Variants in CNTN6 observed in about 807,000 individuals in gnomAD.
CNTN6 encodes the protein contactin 6, also known as contactin-6.
Under a neutral mutation model 122.8 loss-of-function variants are expected in CNTN6, and 137 were observed. The ratio of observed to expected loss-of-function variants is 1.12; its 90% confidence interval spans 0.97 to 1.29. The LOEUF is 1.29. CNTN6 is among the 50% of genes most tolerant of loss of function. CNTN6 has a pLI of 0.00. For missense variants in CNTN6, 1,634 were observed against 1,223.4 expected (o/e 1.34, Z -5.01); for synonymous variants, 570 against 426.0 (o/e 1.34, Z -4.16).
At chr3:1,106,048 A>G (rs990510306) in intron 1 of CNTN6, among the ~76,000 whole-genome samples, 1 of 152,134 alleles carries the variant, frequency 6.6e-6, no homozygotes, top group Non-Finnish European at 1.5e-5. Flanking sequence ...ATCACTACAA[A>G]TTGTATTTGA....
chr3:1,285,886 G>A (rs185149969), intron 5 of CNTN6, among the ~76,000 whole-genome samples: 15 of 152,268 alleles, frequency 9.9e-5, no homozygotes, highest in African/African-American at 3.4e-4. Context: ...CACACAGAGA[G>A]GTCTACTGAT....
At chr3:1,142,986 A>ATATATATATATG (rs2092646911) in intron 1 of CNTN6, among the ~76,000 whole-genome samples, 1 of 144,306 alleles carries the variant, frequency 6.9e-6, no homozygotes, top group African/African-American at 2.6e-5. Context: ...ATATATATAT[A>ATATATATATATG]TATATATATA....
intron 7 of CNTN6, among the ~76,000 whole-genome samples, chr3:1,316,727 GTTA>G (rs141412602): frequency 7.2e-5 from 11 of 151,804 alleles, no homozygotes; most frequent in South Asian, 4.1e-4. Flanking sequence ...TATTGTAATT[GTTA>G]TTATTATTAT....
chr3:1,124,108 T>C (rs1305820461), intron 1 of CNTN6, among the ~76,000 whole-genome samples: 2 of 151,940 alleles, frequency 1.3e-5, no homozygotes, highest in Non-Finnish European at 2.9e-5. Flanking sequence ...CCAGTTTATA[T>C]TAGCAATGTC....
chr3:1,140,231 A>G (rs1574991384), intron 1 of CNTN6, among the ~76,000 whole-genome samples: 1 of 152,204 alleles, frequency 6.6e-6, no homozygotes, highest in East Asian at 1.9e-4. Context: ...TCTGATTTAT[A>G]TAAATACAAA....
chr3:1,329,972 GTAATA>G (rs748715381), intron 11 of CNTN6, 37 bp downstream of exon 11: 2 of 1,461,886 alleles, frequency 1.4e-6, no homozygotes, highest in Non-Finnish European at 1.8e-6. Flanking sequence ...ATTTTTGTTT[GTAATA>G]TAACATCTTC....
chr3:1,308,880 G>T (rs11128628), intron 7 of CNTN6, among the ~76,000 whole-genome samples: 1 of 151,834 alleles, frequency 6.6e-6, no homozygotes, highest in Non-Finnish European at 1.5e-5. Flanking sequence ...ATTCTCTAAC[G>T]GCAAAGGATG....
chr3:1,372,952 A>C lies in CNTN6; in HGVS notation c.1783A>C (p.Arg595=), dbSNP rs1709280500. 3.3e-6 allele frequency: 5 copies of C among 1,529,788 alleles called. No individual in the cohort carries two copies. The African/African-American group carries it at 6.9e-5, about 21-fold the overall frequency. The allele number at this position is 1,529,788 out of a possible 1,614,324, so 94.8% of individuals were successfully genotyped here. A position where few individuals can be genotyped will look rare whatever the true frequency, so the allele number is the denominator to read the frequency against. Residue 595 remains arginine (R), a synonymous_variant, in exon 14 of 23, where the codon AGA becomes CGA. Coordinates refer to ENST00000446702, the MANE Select transcript of CNTN6 (RefSeq NM_001289080.2). The part of the protein sequence containing the change: ...SLSAVADIIV[R]GPPGPPEDVQ... Reference sequence around the variant, plus strand: ...ATCTGCAGTAGCCGATATCATTGTTAGAGGTAAGCATAAATGGTGAAAAAG... The same window carrying C: ...ATCTGCAGTAGCCGATATCATTGTTCGAGGTAAGCATAAATGGTGAAAAAG...
At chr3:1,304,938 C>G (rs1361574641) in intron 7 of CNTN6, among the ~76,000 whole-genome samples, 1 of 137,682 alleles carries the variant, frequency 7.3e-6, no homozygotes, top group Non-Finnish European at 1.5e-5. Flanking sequence ...TTGCAGTGAG[C>G]TGAGATCGTG....
At chr3:1,232,311 T>C (rs939988165) in intron 4 of CNTN6, among the ~76,000 whole-genome samples, 1 of 152,196 alleles carries the variant, frequency 6.6e-6, no homozygotes, top group African/African-American at 2.4e-5. Context: ...AATTGACCCT[T>C]CATTTATTCA....
chr3:1,396,267 T>C (rs1466008192), intron 20 of CNTN6, among the ~76,000 whole-genome samples: 1 of 152,156 alleles, frequency 6.6e-6, no homozygotes, highest in African/African-American at 2.4e-5. Flanking sequence ...ATCTCTCAGC[T>C]TGTAGTACCC....
intron 12 of CNTN6, among the ~76,000 whole-genome samples, chr3:1,357,952 C>T (rs912936040): frequency 6.6e-6 from 1 of 151,284 alleles, no homozygotes; most frequent in African/African-American, 2.4e-5. Context: ...GCATTTGTAA[C>T]CCAAAACACA....
intron 5 of CNTN6, among the ~76,000 whole-genome samples, chr3:1,278,780 C>A (rs1692867090): frequency 6.6e-6 from 1 of 152,058 alleles, no homozygotes; most frequent in South Asian, 2.1e-4. Context: ...AGAAACTGAC[C>A]GCAGCTGTAA....
intron 1 of CNTN6, among the ~76,000 whole-genome samples, chr3:1,138,529 C>A (rs2092537426): frequency 6.6e-6 from 1 of 151,630 alleles, no homozygotes; most frequent in African/African-American, 2.4e-5. Flanking sequence ...TTTGTTTTTT[C>A]TTTAATTTGA....
intron 7 of CNTN6, among the ~76,000 whole-genome samples, chr3:1,300,584 AG>A (rs1258544161): frequency 6.6e-5 from 8 of 122,082 alleles, no homozygotes; most frequent in South Asian, 2.5e-4. Context: ...AAAGAAAGAA[AG>A]AAAGAAAGAA....
chr3:1,373,573 A>T, intron 14 of CNTN6, 31 bp from the exon 15 acceptor site: 1 of 1,604,876 alleles, frequency 6.2e-7, no homozygotes, highest in Non-Finnish European at 8.5e-7. Flanking sequence ...AAGTATCTCC[A>T]ATGGAGTCAT....
chr3:1,148,186 G>A (rs570299244), intron 2 of CNTN6, 123 bp downstream of exon 2: 83 of 707,694 alleles, frequency 1.2e-4, no homozygotes, highest in Admixed American at 2.6e-4. Flanking sequence ...AAGTGATAAT[G>A]TTTTGAAGGT....
intron 4 of CNTN6, among the ~76,000 whole-genome samples, chr3:1,230,734 G>A (rs922080096): frequency 1.2e-4 from 18 of 152,220 alleles, no homozygotes; most frequent in African/African-American, 4.3e-4. Flanking sequence ...TGGAACTTGT[G>A]TATAGACAAA....
At position 1,403,926 on chromosome 3, in the gene CNTN6, A is replaced by C. The variant is rs1323837773; in HGVS notation, c.*508A>C. The C allele has an allele frequency of 3.9e-5, 6 of 152,186 alleles. No individual in the cohort carries two copies. The South Asian group carries it at 1.2e-3, about 31-fold the overall frequency. The allele number at this position is 152,186 out of a possible 1,614,324, so 9.4% of individuals were successfully genotyped here. Reference sequence around the variant, plus strand: ...ATCTCTGAATCAAGTTGGAATAAGAAATCTTTTTACTCAAGAATATTTCAA... The same window carrying C: ...ATCTCTGAATCAAGTTGGAATAAGACATCTTTTTACTCAAGAATATTTCAA... On this transcript the variant is annotated 3_prime_UTR_variant, in exon 23 of 23. Transcript: ENST00000446702.
Sources: gnomAD v4.1 joint callset for allele counts (sites outside exome capture counted in the v4.1 genomes callset) on GRCh38, gnomAD v4.1.1 for gene constraint, MANE v1.5 for transcripts, NCBI Gene and HGNC (gene_info 2026-07-23, HGNC 2026-07-21) for gene names.